The following ARB2A variants were observed in gnomAD, a reference collection of about 807,000 sequenced individuals.
ARB2A encodes the protein ARB2 cotranscriptional regulator A.
the ARB2A span, among the ~76,000 whole-genome samples, chr5:94,039,633 C>A: frequency 1.3e-5 from 2 of 152,144 alleles, no homozygotes; most frequent in African/African-American, 4.8e-5. Flanking sequence ...CCTCATCATT[C>A]TTAATAAACT....
chr5:93,650,432 T>C, the ARB2A span, among the ~76,000 whole-genome samples: 1 of 151,992 alleles, frequency 6.6e-6, no homozygotes, highest in African/African-American at 2.4e-5. Context: ...CTCAACGAAC[T>C]TGAAAAATGA....
chr5:93,746,935 T>C, the ARB2A span, among the ~76,000 whole-genome samples: 59 of 152,290 alleles, frequency 3.9e-4, 1 homozygote, highest in South Asian at 0.012. Flanking sequence ...AAGCATGATT[T>C]AAACAAACTT....
At chr5:93,740,152 T>C in the ARB2A span, 10 of 156,598 alleles carry the variant, frequency 6.4e-5, no homozygotes, top group African/African-American at 2.2e-4. Context: ...CACAGAGTTC[T>C]GCTTGATTTT....
At chr5:94,021,780 T>G in the ARB2A span, among the ~76,000 whole-genome samples, 4 of 152,284 alleles carry the variant, frequency 2.6e-5, no homozygotes, top group African/African-American at 9.6e-5. Flanking sequence ...ATCAAAATAA[T>G]TCTCTTCCAG....
chr5:94,010,763 T>C, the ARB2A span, among the ~76,000 whole-genome samples: 9 of 152,154 alleles, frequency 5.9e-5, no homozygotes, highest in South Asian at 1.7e-3. Context: ...AAAAGTATAA[T>C]TATTATTATT....
chr5:93,756,769 G>C, the ARB2A span, among the ~76,000 whole-genome samples: 3 of 152,108 alleles, frequency 2.0e-5, no homozygotes, highest in Non-Finnish European at 4.4e-5. Flanking sequence ...CACCCAAATG[G>C]GAAGGAACCA....
the ARB2A span, among the ~76,000 whole-genome samples, chr5:93,852,987 T>C: frequency 6.6e-6 from 1 of 152,256 alleles, no homozygotes; most frequent in Non-Finnish European, 1.5e-5. Flanking sequence ...TTTCCAATTC[T>C]GTGAAGAAAG....
the ARB2A span, among the ~76,000 whole-genome samples, chr5:93,936,341 AT>A: frequency 2.7e-4 from 41 of 152,320 alleles, no homozygotes; most frequent in African/African-American, 8.9e-4. Context: ...ATGGAAGTCT[AT>A]GCAGAACTTG....
chr5:93,781,861 CA>C, the ARB2A span: 1 of 985,060 alleles, frequency 1.0e-6, no homozygotes, highest in Non-Finnish European at 1.2e-6. Flanking sequence ...ACTTACAAAA[CA>C]AAAAACTTTC....
At chr5:93,701,285 A>T in the ARB2A span, among the ~76,000 whole-genome samples, 1 of 152,178 alleles carries the variant, frequency 6.6e-6, no homozygotes, top group Admixed American at 6.5e-5. Flanking sequence ...CAAAGTCAAA[A>T]TCAGTCACTA....
At chr5:93,628,679 C>T in the ARB2A span, among the ~76,000 whole-genome samples, 2 of 152,216 alleles carry the variant, frequency 1.3e-5, no homozygotes, top group South Asian at 2.1e-4. Flanking sequence ...CTGGAGATGG[C>T]TTCTTTCCTT....
the ARB2A span, among the ~76,000 whole-genome samples, chr5:94,030,520 T>C: frequency 6.6e-6 from 1 of 152,244 alleles, no homozygotes; most frequent in Non-Finnish European, 1.5e-5. Flanking sequence ...ATCCTTCTCA[T>C]GTGTGGAATC....
chr5:93,903,709 CTGTGTGTGTGTGTGTG>C, the ARB2A span, among the ~76,000 whole-genome samples: 1 of 144,360 alleles, frequency 6.9e-6, no homozygotes, highest in Non-Finnish European at 1.5e-5. Context: ...TTCTATATAT[CTGTGTGTGTGTGTGTG>C]TGTGTGTGTG....
the ARB2A span, among the ~76,000 whole-genome samples, chr5:93,811,998 T>C: frequency 6.6e-6 from 1 of 152,146 alleles, no homozygotes; most frequent in Non-Finnish European, 1.5e-5. Context: ...GACAGAATTC[T>C]ATGAGAGTGA....
At chr5:93,697,697 C>T in the ARB2A span, among the ~76,000 whole-genome samples, 1 of 152,146 alleles carries the variant, frequency 6.6e-6, no homozygotes. Context: ...TTCAGCACAT[C>T]ACATTTTCCC....
chr5:94,109,746 G>A, the ARB2A span, among the ~76,000 whole-genome samples: 1 of 151,648 alleles, frequency 6.6e-6, no homozygotes, highest in Non-Finnish European at 1.5e-5. Flanking sequence ...CCATACTTGC[G>A]GAGCTCACTC....
At chr5:93,846,580 A>C in the ARB2A span, among the ~76,000 whole-genome samples, 1 of 152,078 alleles carries the variant, frequency 6.6e-6, no homozygotes, top group Non-Finnish European at 1.5e-5. Context: ...GCACATAATA[A>C]ATATTTGATT....
the ARB2A span, among the ~76,000 whole-genome samples, chr5:93,700,671 C>T: frequency 5.3e-5 from 8 of 152,034 alleles, no homozygotes; most frequent in Non-Finnish European, 7.4e-5. Context: ...ATAGAGATGG[C>T]AACAAAATGC....
chr5:94,011,728 T>C, the ARB2A span, among the ~76,000 whole-genome samples: 1 of 152,064 alleles, frequency 6.6e-6, no homozygotes, highest in Admixed American at 6.5e-5. Flanking sequence ...ACATGTAGAA[T>C]GTGAGGCACT....
Sources: gnomAD v4.1 joint callset for allele counts (sites outside exome capture counted in the v4.1 genomes callset) on GRCh38, gnomAD v4.1.1 for gene constraint, MANE v1.5 for transcripts, NCBI Gene and HGNC (gene_info 2026-07-23, HGNC 2026-07-21) for gene names.